The following UTRN variants were observed in gnomAD, a reference collection of about 807,000 sequenced individuals.
UTRN encodes the protein dystrophin-related protein 1.
Under a neutral mutation model 463.9 loss-of-function variants are expected in UTRN, and 283 were observed. The observed-to-expected ratio is 0.61, with a 90% CI of 0.55 to 0.67. The LOEUF (loss-of-function observed/expected upper bound fraction) is 0.67, where lower values mean the gene tolerates loss of function less well. Among genes scored for constraint, UTRN ranks in the 30% least tolerant of loss-of-function variants. UTRN has a pLI of 0.00. For missense variants in UTRN, 3,922 were observed against 4,084.3 expected (o/e 0.96, Z 1.08); for synonymous variants, 1,442 against 1,431.5 (o/e 1.01, Z -0.17).
chr6:144,412,659 A>G (rs1320909158), intron 3 of UTRN, among the ~76,000 whole-genome samples: 1 of 151,994 alleles, frequency 6.6e-6, no homozygotes, highest in Non-Finnish European at 1.5e-5. Context: ...GGGGCATCAG[A>G]TTAATCTCAA....
chr6:144,690,105 G>T (rs1296206979), intron 52 of UTRN, among the ~76,000 whole-genome samples: 1,258 of 67,976 alleles, frequency 0.019, 9 homozygotes, highest in African/African-American at 0.043. Context: ...TTGTGTGTGT[G>T]TGTGTGTGTG....
At chr6:144,611,785 G>T (rs1385978678) in intron 51 of UTRN, among the ~76,000 whole-genome samples, 2 of 152,104 alleles carry the variant, frequency 1.3e-5, no homozygotes, top group African/African-American at 4.8e-5. Flanking sequence ...ACTACCCAAT[G>T]TAATTTACAT....
chr6:144,628,021 G>C (rs374599888), intron 51 of UTRN, among the ~76,000 whole-genome samples: 1 of 151,964 alleles, frequency 6.6e-6, no homozygotes, highest in Non-Finnish European at 1.5e-5. Context: ...GGCTGGTCTC[G>C]AACTCCTGAC....
intron 34 of UTRN, among the ~76,000 whole-genome samples, chr6:144,505,183 T>C (rs1794591307): frequency 6.6e-6 from 1 of 152,182 alleles, no homozygotes; most frequent in Non-Finnish European, 1.5e-5. Flanking sequence ...TAGTGGCTTA[T>C]CTATTTTATT....
chr6:144,757,267 T>A (rs1792103064), intron 57 of UTRN, among the ~76,000 whole-genome samples: 1 of 147,086 alleles, frequency 6.8e-6, no homozygotes, highest in Admixed American at 6.9e-5. Context: ...TACCTCAATT[T>A]AAAAACCCCA....
chr6:144,367,280 C>T (rs538829409), intron 2 of UTRN, among the ~76,000 whole-genome samples: 89 of 151,570 alleles, frequency 5.9e-4, no homozygotes, highest in African/African-American at 2.0e-3. Context: ...CCACTGTGCC[C>T]GGCCCCTCTA....
At chr6:144,636,340 A>G (rs983537131) in intron 51 of UTRN, among the ~76,000 whole-genome samples, 1 of 151,018 alleles carries the variant, frequency 6.6e-6, no homozygotes, top group Non-Finnish European at 1.5e-5. Context: ...GAGTTGAACA[A>G]TGAGAACACA....
At chr6:144,732,291 T>TA (rs1305404598) in intron 54 of UTRN, among the ~76,000 whole-genome samples, 2 of 131,656 alleles carry the variant, frequency 1.5e-5, no homozygotes, top group East Asian at 7.5e-4. Flanking sequence ...CACATATATA[T>TA]ATATACACAT....
intron 71 of UTRN, chr6:144,837,324 A>G (rs1259039876): frequency 6.6e-6 from 1 of 152,280 alleles, no homozygotes; most frequent in Non-Finnish European, 1.5e-5. Flanking sequence ...GGTGCCTGCC[A>G]TCTTGTTAGA....
chr6:144,291,776 C>T lies in UTRN; in HGVS notation c.-53C>T. 1 of 1,565,694 alleles carries T rather than the reference C, an allele frequency of 6.4e-7. No individual in the cohort carries two copies. The highest frequency in any genetic ancestry group is 1.2e-5 in the South Asian group (1 of 86,172). On this transcript the variant is annotated 5_prime_UTR_variant, in exon 2 of 75. Transcript: ENST00000367545. ...CTGAACCATCGTAGGAAGTTGAAAG[C>T]CTTAGAAAGAGGACTTGGTAAAGTT...
At chr6:144,755,538 T>C (rs1198236843) in intron 57 of UTRN, among the ~76,000 whole-genome samples, 1 of 152,182 alleles carries the variant, frequency 6.6e-6, no homozygotes, top group African/African-American at 2.4e-5. Flanking sequence ...TAAAATACCG[T>C]ATTACCTATT....
chr6:144,399,301 C>T (rs751259382), intron 2 of UTRN, among the ~76,000 whole-genome samples: 17 of 152,042 alleles, frequency 1.1e-4, no homozygotes, highest in Non-Finnish European at 1.8e-4. Flanking sequence ...AGCATAATGG[C>T]ATAACTAAGT....
chr6:144,483,968 G>C (rs1264920143), intron 27 of UTRN, among the ~76,000 whole-genome samples: 1 of 152,182 alleles, frequency 6.6e-6, no homozygotes, highest in Non-Finnish European at 1.5e-5. Context: ...TTCATATGGA[G>C]AGTGGACCGG....
intron 54 of UTRN, among the ~76,000 whole-genome samples, chr6:144,732,283 C>CAT (rs1256852716): frequency 0.019 from 2,340 of 123,438 alleles, 92 homozygotes; most frequent in Admixed American, 0.049. Context: ...TATATACACA[C>CAT]ATATATATAT....
chr6:144,564,802 G>C (rs551473789), intron 50 of UTRN, among the ~76,000 whole-genome samples: 1 of 152,122 alleles, frequency 6.6e-6, no homozygotes, highest in African/African-American at 2.4e-5. Flanking sequence ...GACACATGGG[G>C]ATATAGGGGT....
At chr6:144,500,421 G>C (rs1333832661) in intron 34 of UTRN, among the ~76,000 whole-genome samples, 1 of 152,042 alleles carries the variant, frequency 6.6e-6, no homozygotes, top group Admixed American at 6.6e-5. Context: ...TTTTTGAAGT[G>C]TCTGTTCATT....
intron 65 of UTRN, among the ~76,000 whole-genome samples, chr6:144,811,819 C>T (rs1778640381): frequency 1.3e-5 from 2 of 151,760 alleles, no homozygotes; most frequent in South Asian, 4.2e-4. Context: ...TATGCATGTA[C>T]CAGTTGGGAC....
intron 2 of UTRN, among the ~76,000 whole-genome samples, chr6:144,350,643 C>T (rs1313136755): frequency 6.6e-6 from 1 of 152,134 alleles, no homozygotes; most frequent in African/African-American, 2.4e-5. Flanking sequence ...AACTTCTCTG[C>T]ATATGTTTAT....
intron 60 of UTRN, among the ~76,000 whole-genome samples, chr6:144,781,647 A>G (rs1362069557): frequency 6.6e-6 from 1 of 152,220 alleles, no homozygotes; most frequent in Non-Finnish European, 1.5e-5. Context: ...AAAGCCAGAA[A>G]AAGAAAGTAG....
Sources: gnomAD v4.1 joint callset for allele counts (sites outside exome capture counted in the v4.1 genomes callset) on GRCh38, gnomAD v4.1.1 for gene constraint, MANE v1.5 for transcripts, NCBI Gene and HGNC (gene_info 2026-07-23, HGNC 2026-07-21) for gene names.